ADGRL2: variants seen among roughly 807,000 people sequenced by gnomAD.
ADGRL2 encodes calcium-independent alpha-latrotoxin receptor 2.
A neutral mutation model predicts 157.4 loss-of-function variants in ADGRL2; 44 were observed. The ratio of observed to expected loss-of-function variants is 0.28; its 90% CI spans 0.22 to 0.36. ADGRL2 has a LOEUF of 0.36. ADGRL2 is among the 10% of genes least tolerant of loss of function. The pLI is 1.00. For missense variants in ADGRL2, 1,510 were observed against 1,768.9 expected (o/e 0.85, Z 2.63); for synonymous variants, 585 against 624.7 (o/e 0.94, Z 0.95).
At chr1:81,527,177 C>G (rs2079479274) in intron 2 of ADGRL2, among the ~76,000 whole-genome samples, 1 of 152,176 alleles carries the variant, frequency 6.6e-6, no homozygotes, top group Non-Finnish European at 1.5e-5. Context: ...TGGTTCTGCT[C>G]TTTAGGAACC....
chr1:81,882,135 T>C (rs1266991373), intron 2 of ADGRL2, among the ~76,000 whole-genome samples: 1 of 152,230 alleles, frequency 6.6e-6, no homozygotes, highest in African/African-American at 2.4e-5. Context: ...ATTCATAATA[T>C]GTTCTAATTA....
intron 3 of ADGRL2, among the ~76,000 whole-genome samples, chr1:81,657,455 A>T (rs961968974): frequency 2.6e-5 from 4 of 152,144 alleles, no homozygotes; most frequent in Non-Finnish European, 4.4e-5. Flanking sequence ...CCAGTCTAAG[A>T]TATTTTGTTA....
chr1:81,323,263 G>A (rs528386654), intron 1 of ADGRL2, among the ~76,000 whole-genome samples: 1 of 150,192 alleles, frequency 6.7e-6, no homozygotes, highest in South Asian at 2.1e-4. Context: ...TTTATTTGAG[G>A]CAAAGTCTTG....
At chr1:81,488,986 A>G (rs2078569330) in intron 2 of ADGRL2, among the ~76,000 whole-genome samples, 1 of 152,206 alleles carries the variant, frequency 6.6e-6, no homozygotes, top group African/African-American at 2.4e-5. Flanking sequence ...CTGTAATCCC[A>G]GCACTGTGGG....
rs538114029 is a variant in ADGRL2, at chr1:81,730,918, C to G, written c.-142-30893C>G. 2.4e-3 allele frequency among the ~76,000 whole-genome samples: 358 copies of G among 149,080 alleles called. 1 individual carries two copies. The highest frequency in any genetic ancestry group is 8.6e-3 in the African/African-American group (341 of 39,544). ...TTTAGCTAATATACACAGACAAAAC[C>G]TGTAATTTTATAGGATGCCATGTCT... On this transcript the variant is annotated intron_variant, in intron 1 of 20. Coordinates refer to the ADGRL2 transcript ENST00000359929.
intron 1 of ADGRL2, among the ~76,000 whole-genome samples, chr1:81,408,284 T>C (rs1313427068): frequency 6.6e-6 from 1 of 151,824 alleles, no homozygotes; most frequent in Non-Finnish European, 1.5e-5. Context: ...ACATAAGCAA[T>C]CTCTCCTAGA....
chr1:81,922,415 T>C (rs1572142246), intron 3 of ADGRL2, among the ~76,000 whole-genome samples: 1 of 152,240 alleles, frequency 6.6e-6, no homozygotes, highest in East Asian at 1.9e-4. Context: ...ATGAAAATAG[T>C]CGTACAGAAT....
chr1:81,960,428 C>T (rs1476349679), intron 11 of ADGRL2, among the ~76,000 whole-genome samples: 1 of 152,026 alleles, frequency 6.6e-6, no homozygotes, highest in East Asian at 1.9e-4. Flanking sequence ...ATGTTATCAG[C>T]CTGATCCATC....
chr1:81,806,230 C>T (rs2089127555), intron 1 of ADGRL2, among the ~76,000 whole-genome samples: 1 of 151,954 alleles, frequency 6.6e-6, no homozygotes, highest in Non-Finnish European at 1.5e-5. Flanking sequence ...TATTAATGGA[C>T]TAACATCAAA....
intron 9 of ADGRL2, among the ~76,000 whole-genome samples, chr1:81,952,764 G>T (rs1165398456): frequency 6.6e-6 from 1 of 151,518 alleles, no homozygotes; most frequent in African/African-American, 2.4e-5. Flanking sequence ...TATATATTTT[G>T]TCTCTTTTTG....
intron 2 of ADGRL2, among the ~76,000 whole-genome samples, chr1:81,560,402 G>A (rs920939762): frequency 6.6e-6 from 1 of 152,136 alleles, no homozygotes; most frequent in African/African-American, 2.4e-5. Flanking sequence ...TGGCTGTGAG[G>A]ACTAAATGAG....
At chr1:81,620,484 A>T (rs6676195) in intron 3 of ADGRL2, among the ~76,000 whole-genome samples, 59,330 of 151,988 alleles carry the variant, frequency 0.39, 12,058 homozygotes, top group African/African-American at 0.5. Context: ...ATTAGTGTGT[A>T]CATGAATATC....
intron 1 of ADGRL2, among the ~76,000 whole-genome samples, chr1:81,814,265 A>C (rs539251896): frequency 6.6e-6 from 1 of 151,774 alleles, no homozygotes; most frequent in East Asian, 1.9e-4. Context: ...ATTTAAGCAT[A>C]GATGTGTATA....
Position 81,955,858 on chromosome 1 carries a change from A to G in ADGRL2, c.1834-19A>G, listed in dbSNP as rs763767162. ...TCTAAAAGCGGTCAAAACTAATGATAGTTTTCTAATGGATACAGGCAATTG... is the reference window on the plus strand; with the variant it reads ...TCTAAAAGCGGTCAAAACTAATGATGGTTTTCTAATGGATACAGGCAATTG... On this transcript the variant is annotated intron_variant, in intron 10 of 23. Coordinates refer to ENST00000686636, the MANE Select transcript of ADGRL2 (RefSeq NM_001366006.2). 6.6e-7 allele frequency: 1 copy of G among 1,511,988 alleles called. No homozygotes were observed. The highest frequency in any genetic ancestry group is 1.3e-5 in the South Asian group (1 of 77,880). The allele number at this position is 1,511,988 out of a possible 1,614,324, so 93.7% of individuals were successfully genotyped here.
At chr1:81,922,218 G>A (rs1385672593) in intron 3 of ADGRL2, among the ~76,000 whole-genome samples, 1 of 152,056 alleles carries the variant, frequency 6.6e-6, no homozygotes, top group African/African-American at 2.4e-5. Flanking sequence ...CTGTATGCTC[G>A]GGATACTGAG....
intron 1 of ADGRL2, among the ~76,000 whole-genome samples, chr1:81,322,023 TC>T (rs2100627414): frequency 6.7e-6 from 1 of 149,926 alleles, no homozygotes; most frequent in African/African-American, 2.4e-5. Flanking sequence ...AAATACATAT[TC>T]TTTATATATT....
chr1:81,379,936 G>A (rs1035606051), intron 1 of ADGRL2, among the ~76,000 whole-genome samples: 5 of 152,144 alleles, frequency 3.3e-5, no homozygotes, highest in Admixed American at 6.5e-5. Context: ...CCTAGCCAGG[G>A]ACCACGCCCT....
At chr1:81,825,706 G>T (rs1458272511) in intron 1 of ADGRL2, among the ~76,000 whole-genome samples, 1 of 144,364 alleles carries the variant, frequency 6.9e-6, no homozygotes, top group Non-Finnish European at 1.5e-5. Context: ...TGCTAAGTTA[G>T]AGTGAAATAA....
intron 1 of ADGRL2, among the ~76,000 whole-genome samples, chr1:81,408,685 C>T (rs554881545): frequency 8.6e-5 from 12 of 139,246 alleles, no homozygotes; most frequent in South Asian, 4.5e-4. Context: ...CGTTTACAAA[C>T]GCAAATTAAT....
Sources: allele counts gnomAD v4.1 joint callset (sites outside exome capture counted in the v4.1 genomes callset), GRCh38; gene constraint gnomAD v4.1.1; transcripts MANE v1.5; gene names NCBI Gene and HGNC (gene_info 2026-07-23, HGNC 2026-07-21).